Variants in BBX observed in about 807,000 individuals in gnomAD.
BBX encodes the protein HMG box transcription factor BBX.
Under a neutral mutation model 100.2 loss-of-function variants are expected in BBX, and 30 were observed. The observed-to-expected ratio is 0.30, with a 90% CI of 0.22 to 0.41. The LOEUF is 0.41. BBX is among the 10% of genes least tolerant of loss of function. The pLI, the probability that BBX is intolerant of heterozygous loss-of-function variation, is 1.00. For missense variants in BBX, 1,023 were observed against 1,129.8 expected (o/e 0.91, Z 1.35); for synonymous variants, 376 against 388.1 (o/e 0.97, Z 0.37).
intron 5 of BBX, among the ~76,000 whole-genome samples, chr3:107,719,993 T>C (rs980461713): frequency 6.6e-6 from 1 of 152,022 alleles, no homozygotes; most frequent in African/African-American, 2.4e-5. Context: ...CTTAAACAAT[T>C]TGAATGACCT....
At chr3:107,677,796 T>G (rs898111119) in intron 3 of BBX, among the ~76,000 whole-genome samples, 8 of 152,196 alleles carry the variant, frequency 5.3e-5, no homozygotes, top group Non-Finnish European at 7.4e-5. Flanking sequence ...AATCTTATTC[T>G]TAAGTGCATA....
At chr3:107,648,840 G>A (rs894307856) in intron 3 of BBX, among the ~76,000 whole-genome samples, 5 of 152,200 alleles carry the variant, frequency 3.3e-5, no homozygotes, top group African/African-American at 1.2e-4. Flanking sequence ...GGATTAAGAT[G>A]ATTGATTTAA....
chr3:107,524,999 TC>T (rs2047647329), intron 1 of BBX, among the ~76,000 whole-genome samples: 1 of 149,062 alleles, frequency 6.7e-6, no homozygotes, highest in East Asian at 2.1e-4. Context: ...TGGGGTACTT[TC>T]CCCGCGCGGG....
chr3:107,660,460 C>G (rs190593679), intron 3 of BBX, among the ~76,000 whole-genome samples: 315 of 142,430 alleles, frequency 2.2e-3, no homozygotes, highest in African/African-American at 5.0e-3. Flanking sequence ...GAAAAAGAAG[C>G]CATCATGTAA....
At chr3:107,585,938 A>T (rs1273371605) in intron 2 of BBX, among the ~76,000 whole-genome samples, 1 of 152,128 alleles carries the variant, frequency 6.6e-6, no homozygotes, top group Non-Finnish European at 1.5e-5. Context: ...CTTGGCTATT[A>T]CTCTTGGTTA....
intron 1 of BBX, chr3:107,524,355 T>A (rs2047586341): frequency 6.6e-6 from 1 of 152,096 alleles, no homozygotes; most frequent in African/African-American, 2.4e-5. Context: ...ATTACAGAAA[T>A]CAGACTCGAG....
At chr3:107,526,182 G>T (rs561683442) in intron 1 of BBX, 145 bp from the exon 2 acceptor site, 2 of 396,208 alleles carry the variant, frequency 5.0e-6, no homozygotes, top group Admixed American at 4.4e-5. Context: ...CCAGTGTCGG[G>T]GGGTGGTAGA....
In BBX at chr3:107,710,657, T is replaced by G. The variant is rs1282259378; in HGVS notation, c.162+35T>G. On this transcript the variant is annotated intron_variant, in intron 4 of 17. Transcript: ENST00000325805. ...ATATTTACCATAGAAGTTTCAAGTT[T>G]ATTAGAGCAAATCATAATCTAGAAA... 5.2e-6 allele frequency: 8 copies of G among 1,526,266 alleles called. 1 individual carries two copies. In the Admixed American group the frequency reaches 1.2e-4, roughly 24 times the overall value. The allele number at this position is 1,526,266 out of a possible 1,614,324, so 94.5% of individuals were successfully genotyped here.
chr3:107,619,415 GCTTTCTTTAACA>G (rs2055565467), intron 2 of BBX, among the ~76,000 whole-genome samples: 2 of 151,908 alleles, frequency 1.3e-5, no homozygotes, highest in Admixed American at 1.3e-4. Context: ...CGTCTTAAAA[GCTTTCTTTAACA>G]CATTTAGATC....
intron 3 of BBX, among the ~76,000 whole-genome samples, chr3:107,648,076 CTA>C (rs2057630251): frequency 6.6e-6 from 1 of 152,158 alleles, no homozygotes. Context: ...CATATTTTAA[CTA>C]TTATATCTGC....
At chr3:107,647,035 T>C (rs866954593) in intron 3 of BBX, among the ~76,000 whole-genome samples, 20 of 152,258 alleles carry the variant, frequency 1.3e-4, no homozygotes, top group African/African-American at 4.6e-4. Flanking sequence ...AGTGAGAAGA[T>C]TGGAATTTAA....
intron 3 of BBX, among the ~76,000 whole-genome samples, chr3:107,680,538 G>A (rs922095924): frequency 6.6e-6 from 1 of 152,108 alleles, no homozygotes; most frequent in Non-Finnish European, 1.5e-5. Flanking sequence ...AGTATGGCTT[G>A]TTGGAAAAAG....
chr3:107,551,279 T>G lies in BBX; in HGVS notation c.-84+24881T>G, dbSNP rs202047530. On this transcript the variant is annotated intron_variant, in intron 2 of 17. Coordinates refer to ENST00000325805, the MANE Select transcript of BBX (RefSeq NM_001142568.3). ...CACGTGTTAGTTAATTATTTGATGC[T>G]GCATCTTCGATTACTAATGAGCCCA... Among the ~76,000 whole-genome samples, 3 of 152,362 alleles carry G rather than the reference T, an allele frequency of 2.0e-5. No individual in the cohort carries two copies. The East Asian group carries it at 5.8e-4, about 29-fold the overall frequency.
At chr3:107,724,371 G>A (rs1467454767) in intron 5 of BBX, among the ~76,000 whole-genome samples, 1 of 152,040 alleles carries the variant, frequency 6.6e-6, no homozygotes, top group African/African-American at 2.4e-5. Context: ...TGTTCACTCT[G>A]ATGGTAGTTT....
At chr3:107,584,478 A>T (rs182707216) in intron 2 of BBX, among the ~76,000 whole-genome samples, 1 of 150,178 alleles carries the variant, frequency 6.7e-6, no homozygotes, top group African/African-American at 2.4e-5. Flanking sequence ...CGGGGATGAT[A>T]GCCCCTAACG....
At chr3:107,685,898 C>T (rs2059820949) in intron 3 of BBX, among the ~76,000 whole-genome samples, 1 of 152,266 alleles carries the variant, frequency 6.6e-6, no homozygotes, top group Non-Finnish European at 1.5e-5. Context: ...AGATTGTTCT[C>T]AAAATAGATC....
chr3:107,800,638 A>G (rs532552319), intron 16 of BBX, among the ~76,000 whole-genome samples: 2 of 152,362 alleles, frequency 1.3e-5, no homozygotes, highest in South Asian at 4.1e-4. Flanking sequence ...TGTATAGGCC[A>G]TCCTAAGTGT....
intron 3 of BBX, among the ~76,000 whole-genome samples, chr3:107,654,739 T>A (rs1417095616): frequency 6.6e-6 from 1 of 152,174 alleles, no homozygotes; most frequent in Non-Finnish European, 1.5e-5. Flanking sequence ...CTTAGAAACA[T>A]GGGCTGTGGA....
chr3:107,602,344 G>A (rs1003843613), intron 2 of BBX, among the ~76,000 whole-genome samples: 2 of 152,158 alleles, frequency 1.3e-5, no homozygotes, highest in Admixed American at 1.3e-4. Context: ...AGTGATTATA[G>A]TGATTGCTCT....
Sources: allele counts gnomAD v4.1 joint callset (sites outside exome capture counted in the v4.1 genomes callset), GRCh38; gene constraint gnomAD v4.1.1; transcripts MANE v1.5; gene names NCBI Gene and HGNC (gene_info 2026-07-23, HGNC 2026-07-21).